The following BCORL1 variants were observed in gnomAD, a reference collection of about 807,000 sequenced individuals.
The protein encoded by BCORL1 is BCL-6 corepressor-like protein 1.
A neutral mutation model predicts 87.6 loss-of-function variants in BCORL1; 7 were observed. The observed-to-expected ratio is 0.08, with a 90% CI of 0.05 to 0.15. The LOEUF is 0.15. Among genes scored for constraint, BCORL1 ranks in the 10% least tolerant of loss-of-function variants. BCORL1 has a pLI of 1.00. For missense variants in BCORL1, 1,215 were observed against 1,499.7 expected, an observed-to-expected ratio of 0.81 and a Z score of 3.13; for synonymous variants, 591 against 634.4, an observed-to-expected ratio of 0.93 and a Z score of 1.03.
chrX:129,982,255 C>G (rs1285405610), upstream of BCORL1, among the ~76,000 whole-genome samples: 1 of 111,472 alleles, frequency 9.0e-6, no homozygotes, highest in African/African-American at 3.3e-5. Flanking sequence ...CTCCGCCTCT[C>G]CCAGGAGTCT....
chrX:130,043,667 C>T (rs1469805296), intron 11 of BCORL1, among the ~76,000 whole-genome samples: 2 of 101,068 alleles, frequency 2.0e-5, no homozygotes, highest in African/African-American at 7.2e-5. Flanking sequence ...CTCCGCCTCC[C>T]AGGTTCAAGT....
At chrX:130,043,539 C>T (rs759666801) in intron 11 of BCORL1, among the ~76,000 whole-genome samples, 1 of 108,188 alleles carries the variant, frequency 9.2e-6, no homozygotes, top group South Asian at 4.0e-4. Context: ...TCTGCCTCCT[C>T]AGCCCCTACA....
intron 11 of BCORL1, among the ~76,000 whole-genome samples, chrX:130,044,696 A>G (rs1931637646): frequency 9.1e-6 from 1 of 110,086 alleles, no homozygotes; most frequent in Non-Finnish European, 1.9e-5. Context: ...TTCAGTAGAG[A>G]TGGGGTTTCA....
chrX:129,997,746 C>G (rs747815817), intron 1 of BCORL1, among the ~76,000 whole-genome samples: 1 of 98,774 alleles, frequency 1.0e-5, no homozygotes, highest in South Asian at 4.9e-4. Flanking sequence ...GAGCCAACAT[C>G]GCGCCATTGC....
intron 11 of BCORL1, among the ~76,000 whole-genome samples, chrX:130,050,402 A>ACT (rs1227491135): frequency 9.1e-6 from 1 of 110,436 alleles, no homozygotes; most frequent in African/African-American, 3.3e-5. Context: ...ATGCCACTGC[A>ACT]CTCTGGGTGG....
chrX:130,035,921 TG>T (rs1930913784), intron 9 of BCORL1, among the ~76,000 whole-genome samples: 1 of 112,198 alleles, frequency 8.9e-6, no homozygotes, highest in Admixed American at 9.4e-5. Flanking sequence ...TAAAGGAGCT[TG>T]ACAGTTTCTA....
chrX:130,048,053 A>G (rs1350392085), intron 11 of BCORL1, among the ~76,000 whole-genome samples: 1 of 112,116 alleles, frequency 8.9e-6, no homozygotes, highest in Non-Finnish European at 1.9e-5. Flanking sequence ...TCTAATGTGC[A>G]TGACTAGAGG....
chrX:130,000,344 G>T (rs1927949613), intron 1 of BCORL1, among the ~76,000 whole-genome samples: 1 of 112,469 alleles, frequency 8.9e-6, no homozygotes, highest in African/African-American at 3.2e-5. Flanking sequence ...AACCAGTGTT[G>T]TTGGTTAAAA....
chrX:130,037,551 C>G lies in BCORL1; in HGVS notation c.4694+18C>G, dbSNP rs758483334. ...GGCACGAGGCAAGAGGGCTGCATCT[C>G]CCCCCAGTCCCGCCCTCACTCCCAG... On this transcript the variant is annotated intron_variant, in intron 10 of 13. Transcript: ENST00000540052. The G allele has an allele frequency of 1.2e-5, 14 of 1,184,764 alleles. No homozygotes were observed. The South Asian group carries it at 2.6e-4, about 22-fold the overall frequency.
chrX:130,015,721 G>C lies in BCORL1; in HGVS notation c.2949G>C (p.Lys983Asn), dbSNP rs1929369910. Reference protein sequence around the residue: ...GLKLAGDTKPKNQVLATYMSH... With the variant: ...GLKLAGDTKPNNQVLATYMSH... ...AGCTGGCAGGAGACACGAAGCCTAAGAACCAAGTGCTGGCCACCTACATGT... is the reference window on the plus strand; with the variant it reads ...AGCTGGCAGGAGACACGAAGCCTAACAACCAAGTGCTGGCCACCTACATGT... Residue 983 changes from lysine to asparagine, a missense_variant, in exon 4 of 14, where the codon AAG (lysine) becomes AAC (asparagine). Lys to Asn is a moderately conservative substitution (Grantham distance 94). Around this residue, in one of 5 missense-constraint regions of BCORL1, gnomAD observed 861 missense variants for 1,010.0 expected, o/e 0.85. Coordinates refer to ENST00000540052, the MANE Select transcript of BCORL1 (RefSeq NM_001379451.1). 8.3e-7 allele frequency: 1 copy of C among 1,210,380 alleles called. No individual in the cohort carries two copies. The highest frequency in any genetic ancestry group is 2.2e-5 in the Admixed American group (1 of 45,856).
At chrX:130,030,466 G>A (rs1930518641) in intron 8 of BCORL1, among the ~76,000 whole-genome samples, 1 of 111,498 alleles carries the variant, frequency 9.0e-6, no homozygotes, top group African/African-American at 3.3e-5. Context: ...AGGAGGTTAA[G>A]GGACTTGTGC....
chrX:129,998,657 C>G (rs1049296257), intron 1 of BCORL1, among the ~76,000 whole-genome samples: 110 of 112,097 alleles, frequency 9.8e-4, no homozygotes, highest in African/African-American at 3.1e-3. Flanking sequence ...CGTCCTGACT[C>G]CTCCCTTCTG....
intron 10 of BCORL1, among the ~76,000 whole-genome samples, chrX:130,037,881 C>T (rs1010223207): frequency 6.3e-5 from 7 of 111,220 alleles, no homozygotes; most frequent in Non-Finnish European, 1.1e-4. Context: ...ATGGAGACTC[C>T]GTCTCAAAAA....
rs144332650 is a variant in BCORL1 at position 130,015,684 on chromosome X, C to G, written c.2912C>G (p.Ala971Gly). Residue 971 changes from alanine (A) to glycine (G), a missense_variant, in exon 4 of 14, where the codon GCT becomes GGT. Coordinates refer to ENST00000540052, the MANE Select transcript of BCORL1 (RefSeq NM_001379451.1). The stretch of plus-strand genomic sequence containing the variant: ...CCTAAGATGGAAGGCCCCCAGGGGG[C>G]TTGTGGCCTGAAGCTGGCAGGAGAC... ...STPKMEGPQG[A>G]CGLKLAGDTK... 244 of 1,210,243 alleles carry G rather than the reference C, an allele frequency of 2.0e-4. No homozygotes were observed. The highest frequency in any genetic ancestry group is 2.5e-4 in the Non-Finnish European group (223 of 895,307).
intron 1 of BCORL1, among the ~76,000 whole-genome samples, chrX:129,984,763 C>T (rs1926463253): frequency 8.9e-6 from 1 of 112,102 alleles, no homozygotes; most frequent in African/African-American, 3.2e-5. Flanking sequence ...GCCAACAGCA[C>T]AGGCCCGTGG....
At chrX:129,988,592 C>T (rs1926813602) in intron 1 of BCORL1, among the ~76,000 whole-genome samples, 1 of 111,690 alleles carries the variant, frequency 9.0e-6, no homozygotes. Context: ...TTCAGATTTA[C>T]TCATCACAGT....
At chrX:129,994,598 C>G in intron 1 of BCORL1, among the ~76,000 whole-genome samples, 1 of 111,356 alleles carries the variant, frequency 9.0e-6, no homozygotes, top group East Asian at 2.8e-4. Flanking sequence ...TCCTTTGTAT[C>G]CAGTCTCATA....
rs189851171 is a variant in BCORL1 at position 130,036,067 on chromosome X, A to G, written c.4528-1300A>G. On this transcript the variant is annotated intron_variant, in intron 9 of 13. Transcript: ENST00000540052. ...AGAGAGGACTGGCAATGGTGCAGCT[A>G]TGGGATCCATTGTTTGGAAAGCCAG... Among the ~76,000 whole-genome samples the G allele has an allele frequency of 3.6e-5, 4 of 112,235 alleles. No individual in the cohort carries two copies. The East Asian group carries it at 1.1e-3, about 32-fold the overall frequency.
chrX:130,035,860 C>T (rs916908533), intron 9 of BCORL1, among the ~76,000 whole-genome samples: 8 of 112,631 alleles, frequency 7.1e-5, no homozygotes, highest in Non-Finnish European at 1.5e-4. Context: ...GGGGAAGAGG[C>T]AGACATCTGC....
Sources: gnomAD v4.1 joint callset for allele counts (sites outside exome capture counted in the v4.1 genomes callset) on GRCh38, gnomAD v4.1.1 for gene constraint, gnomAD v4.1.1 regional missense constraint, MANE v1.5 for transcripts, NCBI Gene and HGNC (gene_info 2026-07-23, HGNC 2026-07-21) for gene names.